Variants in EXO1 observed in about 807,000 individuals in gnomAD.
EXO1 encodes the protein exonuclease 1.
A neutral mutation model predicts 84.5 loss-of-function variants in EXO1; 69 were observed. The ratio of observed to expected loss-of-function variants is 0.82; its 90% CI spans 0.67 to 1.00. The LOEUF (loss-of-function observed/expected upper bound fraction) is 1.00, where lower values mean the gene tolerates loss of function less well. Ranked by LOEUF, EXO1 falls within the 50% of genes least tolerant of loss-of-function variation. EXO1 has a pLI of 0.00. For missense variants in EXO1, 1,045 were observed against 1,000.7 expected (o/e 1.04, Z -0.60); for synonymous variants, 373 against 366.1 (o/e 1.02, Z -0.21).
At chr1:241,874,311 A>G (rs1662273382) in intron 12 of EXO1, among the ~76,000 whole-genome samples, 1 of 152,186 alleles carries the variant, frequency 6.6e-6, no homozygotes, top group Non-Finnish European at 1.5e-5. Flanking sequence ...AGACACGAGA[A>G]TTGCTTGAAC....
chr1:241,881,545 G>T (rs1662757177), intron 13 of EXO1, among the ~76,000 whole-genome samples: 1 of 152,198 alleles, frequency 6.6e-6, no homozygotes, highest in Non-Finnish European at 1.5e-5. Context: ...AAGAAGGGAT[G>T]GAGCTGCACC....
Position 241,879,741 on chromosome 1 carries a change from A to G in EXO1, c.2109+398A>G, listed in dbSNP as rs185018732. Among the ~76,000 whole-genome samples the G allele has an allele frequency of 2.3e-3, 356 of 152,334 alleles. 3 individuals are homozygous for G. The highest frequency in any genetic ancestry group is 0.012 in the South Asian group (59 of 4,832). On this transcript the variant is annotated intron_variant, in intron 13 of 15. Coordinates refer to ENST00000366548, the MANE Select transcript of EXO1 (RefSeq NM_130398.4). ...TGTAAGGGGCCAGGTGCGATGGCTCATGCCTGTAATCCCAGCACTTTGGGA... is the reference window on the plus strand; with the variant it reads ...TGTAAGGGGCCAGGTGCGATGGCTCGTGCCTGTAATCCCAGCACTTTGGGA...
At chr1:241,854,880 G>T (rs999060197) in intron 6 of EXO1, 1 of 153,702 alleles carries the variant, frequency 6.5e-6, no homozygotes, top group African/African-American at 2.4e-5. Flanking sequence ...TCATGGTCTC[G>T]CTGGCTCAGA....
intron 13 of EXO1, among the ~76,000 whole-genome samples, chr1:241,880,535 C>T (rs1389491783): frequency 1.3e-5 from 2 of 152,166 alleles, no homozygotes; most frequent in Non-Finnish European, 2.9e-5. Flanking sequence ...GAATCCTCCT[C>T]CCCTAGCCAT....
At chr1:241,852,717 T>G (rs539265011) in intron 5 of EXO1, among the ~76,000 whole-genome samples, 1 of 152,314 alleles carries the variant, frequency 6.6e-6, no homozygotes, top group South Asian at 2.1e-4. Context: ...AGTGCAGTGG[T>G]ATAATCTTGG....
At chr1:241,889,380 T>C in intron 15 of EXO1, 85 bp from the exon 16 acceptor site, 1 of 1,196,774 alleles carries the variant, frequency 8.4e-7, no homozygotes. Context: ...CCTCTTCATG[T>C]CCCTCTATTT....
At chr1:241,884,525 C>G (rs1227450491) in intron 14 of EXO1, among the ~76,000 whole-genome samples, 2 of 152,106 alleles carry the variant, frequency 1.3e-5, no homozygotes, top group Non-Finnish European at 2.9e-5. Flanking sequence ...GAACAGGCAA[C>G]CTATTCAAAA....
chr1:241,868,589 G>A (rs1250979983), intron 11 of EXO1, among the ~76,000 whole-genome samples: 1 of 152,168 alleles, frequency 6.6e-6, no homozygotes, highest in Non-Finnish European at 1.5e-5. Context: ...GATCGCTCGA[G>A]CCTCAGAGTT....
intron 15 of EXO1, among the ~76,000 whole-genome samples, chr1:241,889,244 A>G (rs951241791): frequency 1.3e-5 from 2 of 152,166 alleles, no homozygotes; most frequent in Non-Finnish European, 2.9e-5. Flanking sequence ...CCTACACTGA[A>G]TAGTGATTTT....
intron 3 of EXO1, among the ~76,000 whole-genome samples, chr1:241,850,010 G>C (rs1029437905): frequency 6.6e-6 from 1 of 152,210 alleles, no homozygotes; most frequent in Non-Finnish European, 1.5e-5. Flanking sequence ...GGCCGGGCGC[G>C]GTGGCTCACG....
rs758848387 is a variant in EXO1 at position 241,852,350 on chromosome 1, A to G, written c.220A>G (p.Ile74Val). 2 of 1,587,558 alleles carry G rather than the reference A, an allele frequency of 1.3e-6. No individual in the cohort carries two copies. Among genetic ancestry groups the G allele is most frequent in the African/African-American group, 1.3e-5 (1 of 74,384 alleles). The change falls in exon 5 of 16, where the codon ATT becomes GTT. Residue 74 changes from isoleucine to valine, a missense_variant. Physicochemically the swap from Ile to Val is conservative, Grantham distance 29. Transcript: ENST00000366548. ...GTTACTATCTCATGGGATCAAGCCT[A>G]TTCTCGTATTTGATGGATGTACTTT... Reference protein sequence around the residue: ...NMLLSHGIKPILVFDGCTLPS... With the variant: ...NMLLSHGIKPVLVFDGCTLPS...
chr1:241,870,061 G>C (rs1662003131), intron 11 of EXO1, among the ~76,000 whole-genome samples: 1 of 152,078 alleles, frequency 6.6e-6, no homozygotes, highest in South Asian at 2.1e-4. Context: ...CCACCCGTCT[G>C]GGCCTCCCAA....
chr1:241,877,102 A>G (rs1239852440), intron 12 of EXO1, among the ~76,000 whole-genome samples: 2 of 152,162 alleles, frequency 1.3e-5, no homozygotes, highest in East Asian at 3.8e-4. Flanking sequence ...CGTTGTCACC[A>G]ATTTGCCTGC....
At chr1:241,849,581 A>G (rs1660537312) in intron 3 of EXO1, among the ~76,000 whole-genome samples, 1 of 152,260 alleles carries the variant, frequency 6.6e-6, no homozygotes, top group Non-Finnish European at 1.5e-5. Flanking sequence ...CGTGCTTAGA[A>G]TAATGCGTTC....
intron 12 of EXO1, among the ~76,000 whole-genome samples, chr1:241,876,087 CT>C (rs1662387718): frequency 6.6e-6 from 1 of 152,086 alleles, no homozygotes; most frequent in South Asian, 2.1e-4. Context: ...ATTATAGAAG[CT>C]TAAGGAAGTC....
Position 241,872,054 on chromosome 1 carries a change from G to A in EXO1, c.1290G>A (p.Leu430=), listed in dbSNP as rs1215330494. 2 of 1,612,940 alleles carry A rather than the reference G, an allele frequency of 1.2e-6. No homozygotes were observed. The highest frequency in any genetic ancestry group is 2.2e-5 in the East Asian group (1 of 44,868). Residue 430 remains leucine, a synonymous_variant, in exon 12 of 16, where the codon CTG becomes CTA. Transcript: ENST00000366548. ...TAGCAGAGCTGTCAGAAGATGACCT[G>A]TTGAGTCAGTATTCTCTTTCATTTA... ...PRSAELSEDD[L]LSQYSLSFTK...
At chr1:241,879,801 T>G (rs1031711381) in intron 13 of EXO1, among the ~76,000 whole-genome samples, 2 of 151,998 alleles carry the variant, frequency 1.3e-5, no homozygotes, top group African/African-American at 4.8e-5. Flanking sequence ...GGTCAGGAGT[T>G]TGAGACCAGC....
intron 10 of EXO1, among the ~76,000 whole-genome samples, chr1:241,863,338 A>G (rs1661505586): frequency 6.6e-6 from 1 of 152,048 alleles, no homozygotes; most frequent in African/African-American, 2.4e-5. Context: ...CTGTCTGCTG[A>G]AAGAGAAACT....
chr1:241,861,993 C>T (rs1661424178), intron 10 of EXO1, among the ~76,000 whole-genome samples: 1 of 152,132 alleles, frequency 6.6e-6, no homozygotes, highest in Admixed American at 6.6e-5. Context: ...GGCTGGAGTG[C>T]AATGGTGCGA....
Sources: gnomAD v4.1 joint callset for allele counts (sites outside exome capture counted in the v4.1 genomes callset) on GRCh38, gnomAD v4.1.1 for gene constraint, MANE v1.5 for transcripts, NCBI Gene and HGNC (gene_info 2026-07-23, HGNC 2026-07-21) for gene names.